The following ZNF57 variants were observed in gnomAD, a reference collection of about 807,000 sequenced individuals.
ZNF57 encodes the protein zinc finger protein 424.
A neutral mutation model predicts 13.4 loss-of-function variants in ZNF57; 11 were observed. That is an observed-to-expected ratio of 0.82 (90% CI 0.52 to 1.36). The LOEUF is 1.36. Among genes scored for constraint, ZNF57 ranks in the 40% most tolerant of loss-of-function variants. ZNF57 has a pLI of 0.00. For missense variants in ZNF57, 696 were observed against 667.5 expected (o/e 1.04, Z -0.47); for synonymous variants, 224 against 238.5 (o/e 0.94, Z 0.56).
rs748503255 is a variant in ZNF57, at chr19:2,900,984, C to A, written c.-62C>A. On this transcript the variant is annotated 5_prime_UTR_variant, in exon 1 of 4. Coordinates refer to ENST00000306908, the MANE Select transcript of ZNF57 (RefSeq NM_173480.3). ...GCGGCCCGGGAGTACCTGTACCTTT[C>A]AGCTGCGCCGGCCGCGAGGCCACGG... The A allele has an allele frequency of 6.8e-5, 105 of 1,549,274 alleles. No individual in the cohort carries two copies. Among genetic ancestry groups the A allele is most frequent in the Non-Finnish European group, 8.3e-5 (95 of 1,145,836 alleles).
At chr19:2,903,871 T>A (rs1461083856) in intron 1 of ZNF57, among the ~76,000 whole-genome samples, 1 of 151,862 alleles carries the variant, frequency 6.6e-6, no homozygotes, top group Non-Finnish European at 1.5e-5. Flanking sequence ...GACCGCCACC[T>A]CGCCCGGCTA....
intron 1 of ZNF57, among the ~76,000 whole-genome samples, chr19:2,913,015 G>A (rs762880555): frequency 5.3e-5 from 8 of 152,134 alleles, no homozygotes; most frequent in Non-Finnish European, 1.2e-4. Context: ...GTGCAATGGT[G>A]CGATCTCGGC....
At chr19:2,902,943 G>T (rs1385080007) in intron 1 of ZNF57, among the ~76,000 whole-genome samples, 2 of 152,268 alleles carry the variant, frequency 1.3e-5, no homozygotes, top group African/African-American at 4.8e-5. Flanking sequence ...GCAGGGAGGT[G>T]AGCCCCAAGA....
chr19:2,909,242 CT>C lies in ZNF57; in HGVS notation c.4-6273del, dbSNP rs1289062523. Among the ~76,000 whole-genome samples the C allele has an allele frequency of 2.8e-5, 4 of 144,236 alleles. No individual in the cohort carries two copies. The East Asian group carries it at 6.1e-4, about 22-fold the overall frequency. 94.6% of individuals were successfully genotyped at this position (144,236 alleles called of 152,430 possible). On this transcript the variant is annotated intron_variant, in intron 1 of 3. Transcript: ENST00000306908. ...TTTCCATTTGATAATACTATGTTAA[CT>C]TTTTTTCCTTATAATAGATTTTATT...
chr19:2,914,194 A>G (rs532069412), intron 1 of ZNF57, among the ~76,000 whole-genome samples: 2 of 152,326 alleles, frequency 1.3e-5, no homozygotes, highest in South Asian at 4.1e-4. Context: ...ACTAAAAAAG[A>G]AAAAAGAATG....
intron 1 of ZNF57, among the ~76,000 whole-genome samples, chr19:2,905,884 A>G (rs151232944): frequency 2.0e-3 from 306 of 151,946 alleles, no homozygotes; most frequent in African/African-American, 7.0e-3. Flanking sequence ...AAAAACAAGG[A>G]AAAAAAATGA....
intron 1 of ZNF57, among the ~76,000 whole-genome samples, chr19:2,901,290 G>C (rs1380222451): frequency 8.2e-6 from 1 of 122,604 alleles, no homozygotes; most frequent in Non-Finnish European, 1.7e-5. Context: ...TGGGCAGGAG[G>C]GGGGCTGGAG....
chr19:2,906,882 C>T (rs185662975), intron 1 of ZNF57, among the ~76,000 whole-genome samples: 1 of 152,268 alleles, frequency 6.6e-6, no homozygotes, highest in Admixed American at 6.5e-5. Context: ...GCACAGGGCC[C>T]GTGGGAGCCT....
rs1324442153 is a variant in ZNF57, at chr19:2,915,883, TTTCACTGGTCATTTA to T, written c.131-194_131-180del. On this transcript the variant is annotated intron_variant, in intron 2 of 3. Transcript: ENST00000306908. ...TTAGTGTCATTAGTAGGGGTATAGATTTCACTGGTCATTTAGGATCACAGAGTGGTTCCTTGTTTG... is the reference window on the plus strand; with the variant it reads ...TTAGTGTCATTAGTAGGGGTATAGATGGATCACAGAGTGGTTCCTTGTTTG... 6.6e-6 allele frequency: 6 copies of T among 914,638 alleles called. No homozygotes were observed. The African/African-American group carries it at 1.0e-4, about 15-fold the overall frequency. The allele number at this position is 914,638 out of a possible 1,614,324, so 56.7% of individuals were successfully genotyped here.
rs140126572 is a variant in ZNF57, at chr19:2,905,405, T to TCCCCCCCCC, written c.3+4358_3+4359insCCCCCCCCC. 4.2e-5 allele frequency among the ~76,000 whole-genome samples: 2 copies of TCCCCCCCCC among 47,508 alleles called. 1 individual carries two copies. The highest frequency in any genetic ancestry group is 8.1e-5 in the Non-Finnish European group (2 of 24,842). The allele number at this position is 47,508 out of a possible 152,430, so 31.2% of individuals were successfully genotyped here. A position where few individuals can be genotyped will look rare whatever the true frequency, so the allele number is the denominator to read the frequency against. On this transcript the variant is annotated intron_variant, in intron 1 of 3. Transcript: ENST00000306908. ...GTCTCGAACTCTTGACTTCAGGTGA[T>TCCCCCCCCC]CGCCCCCCCCCCCTCGGCATTCCAA...
rs144323908 is a variant in ZNF57, at chr19:2,916,392, T to C, written c.302+143T>C. 1.0e-3 allele frequency: 758 copies of C among 734,540 alleles called. 1 individual carries two copies. In the African/African-American group the frequency reaches 0.012, roughly 12 times the overall value. The allele number at this position is 734,540 out of a possible 1,614,324, so 45.5% of individuals were successfully genotyped here. On this transcript the variant is annotated intron_variant, in intron 3 of 3. Coordinates refer to ENST00000306908, the MANE Select transcript of ZNF57 (RefSeq NM_173480.3). ...AAAAATTTGTATTTGACTAAGACAT[T>C]GAGAATTTGAAACATAATTGTTAGA...
At chr19:2,916,328 C>A in intron 3 of ZNF57, 79 bp downstream of exon 3, 1 of 1,299,196 alleles carries the variant, frequency 7.7e-7, no homozygotes, top group Admixed American at 3.1e-5. Context: ...ATAAGCATTG[C>A]TCCAAATTTG....
At position 2,918,196 on chromosome 19, in the gene ZNF57, G is replaced by A; in HGVS notation, c.1575G>A (p.Met525Ile). 1 of 1,614,248 alleles carries A rather than the reference G, an allele frequency of 6.2e-7. No homozygotes were observed. Among genetic ancestry groups the A allele is most frequent in the South Asian group, 1.1e-5 (1 of 91,082 alleles). ...WHSSFRNHLR[M>I]HTGQKSHECQ... ...CCTCCTTCCGGAACCATCTGAGGATGCACACAGGACAGAAATCCCACGAAT... is the reference window on the plus strand; with the variant it reads ...CCTCCTTCCGGAACCATCTGAGGATACACACAGGACAGAAATCCCACGAAT... The change falls in exon 4 of 4, where the codon ATG becomes ATA. Residue 525 changes from methionine (M) to isoleucine (I), a missense_variant. Met to Ile is a conservative substitution (Grantham distance 10). This residue lies in a region of ZNF57 where 645 missense variants were observed against 591.5 expected (regional missense o/e 1.09). Transcript: ENST00000306908.
chr19:2,915,481 G>C (rs1437375815), intron 1 of ZNF57, 41 bp from the exon 2 acceptor site: 1 of 1,599,790 alleles, frequency 6.3e-7, no homozygotes, highest in South Asian at 1.1e-5. Context: ...AGTACTTTCA[G>C]TGTCTCCAAT....
intron 1 of ZNF57, 119 bp from the exon 2 acceptor site, chr19:2,915,403 G>A (rs536322541): frequency 2.0e-4 from 264 of 1,317,106 alleles, no homozygotes; most frequent in Non-Finnish European, 2.5e-4. Flanking sequence ...TCTAACATTC[G>A]CGTCATAGAG....
intron 1 of ZNF57, among the ~76,000 whole-genome samples, chr19:2,906,718 C>T (rs922625615): frequency 2.0e-5 from 3 of 152,172 alleles, no homozygotes; most frequent in Admixed American, 1.3e-4. Context: ...ACTTGGACAT[C>T]CGTGTTGTGT....
Position 2,900,936 on chromosome 19 carries a change from C to T in ZNF57, c.-110C>T. 9 of 1,425,018 alleles carry T rather than the reference C, an allele frequency of 6.3e-6. No individual in the cohort carries two copies. Among genetic ancestry groups the T allele is most frequent in the Non-Finnish European group, 7.6e-6 (8 of 1,052,190 alleles). 88.3% of individuals were successfully genotyped at this position (1,425,018 alleles called of 1,614,324 possible). On this transcript the variant is annotated 5_prime_UTR_variant, in exon 1 of 4. Coordinates refer to ENST00000306908, the MANE Select transcript of ZNF57 (RefSeq NM_173480.3). ...GGGCGGGACGTTTCGTCCTCCCTGC[C>T]GCGCGTGCCCTGCCTACCACGAGCG...
At chr19:2,904,523 GTTTC>G (rs1251891487) in intron 1 of ZNF57, among the ~76,000 whole-genome samples, 6 of 151,950 alleles carry the variant, frequency 3.9e-5, no homozygotes, top group East Asian at 1.9e-4. Flanking sequence ...TTTTTTGTTT[GTTTC>G]TTTGTTTTTG....
intron 1 of ZNF57, among the ~76,000 whole-genome samples, chr19:2,902,847 A>T (rs1029391230): frequency 1.3e-5 from 2 of 152,114 alleles, no homozygotes; most frequent in Admixed American, 6.6e-5. Flanking sequence ...TCCCCCACTT[A>T]CACAAGGGGT....
Sources: gnomAD v4.1 joint callset for allele counts (sites outside exome capture counted in the v4.1 genomes callset) on GRCh38, gnomAD v4.1.1 for gene constraint, gnomAD v4.1.1 regional missense constraint, MANE v1.5 for transcripts, NCBI Gene and HGNC (gene_info 2026-07-23, HGNC 2026-07-21) for gene names.